The following ASH1L variants were observed in gnomAD, a reference collection of about 807,000 sequenced individuals.
The protein encoded by ASH1L is histone-lysine N-methyltransferase ASH1L.
ASH1L carries 23 observed loss-of-function variants against 269.0 expected under a neutral mutation model. The ratio of observed to expected loss-of-function variants is 0.09; its 90% confidence interval spans 0.06 to 0.12. ASH1L has a LOEUF of 0.12. Ranked by LOEUF, ASH1L falls within the 10% of genes least tolerant of loss-of-function variation. The probability of loss-of-function intolerance (pLI) is 1.00; values close to 1 mark genes in which losing one functional copy is unlikely to be tolerated. For missense variants in ASH1L, 2,912 were observed against 3,567.8 expected (o/e 0.82, Z 4.68); for synonymous variants, 1,187 against 1,253.5 (o/e 0.95, Z 1.12).
intron 13 of ASH1L, among the ~76,000 whole-genome samples, chr1:155,358,496 T>C (rs143341259): frequency 0.027 from 4,145 of 152,036 alleles, 61 homozygotes; most frequent in Non-Finnish European, 0.039. Context: ...CCATCCTGGC[T>C]AACATGGTAA....
chr1:155,451,641 C>A (rs570017194), intron 4 of ASH1L, among the ~76,000 whole-genome samples: 9 of 152,094 alleles, frequency 5.9e-5, no homozygotes, highest in African/African-American at 1.9e-4. Context: ...CACCTGTAAT[C>A]CCAGTTACTT....
chr1:155,382,172 C>T (rs1408364729), intron 7 of ASH1L, among the ~76,000 whole-genome samples: 1 of 150,808 alleles, frequency 6.6e-6, no homozygotes, highest in Non-Finnish European at 1.5e-5. Context: ...TGCCATTACA[C>T]TCCAGCAGGC....
At chr1:155,375,622 A>C (rs1656365649) in intron 10 of ASH1L, among the ~76,000 whole-genome samples, 1 of 152,098 alleles carries the variant, frequency 6.6e-6, no homozygotes, top group Non-Finnish European at 1.5e-5. Context: ...CCCTGTCTCT[A>C]CTAAAAATAC....
At chr1:155,540,519 C>G (rs1670358807) in intron 1 of ASH1L, among the ~76,000 whole-genome samples, 1 of 152,100 alleles carries the variant, frequency 6.6e-6, no homozygotes, top group Non-Finnish European at 1.5e-5. Context: ...CCTGTAATCC[C>G]AGCACTTTGG....
chr1:155,482,192 G>A lies in ASH1L; in HGVS notation c.678C>T (p.Thr226=). 1 of 1,614,192 alleles carries A rather than the reference G, an allele frequency of 6.2e-7. No individual in the cohort carries two copies. Among genetic ancestry groups the A allele is most frequent in the Non-Finnish European group, 8.5e-7 (1 of 1,180,014 alleles). ...VTEKLAQLIA[T]CPPSKSSKTK... is the part of the protein sequence containing the mutation. ...TCTTGGAAGACTTGGAAGGAGGACA[G>A]GTAGCAATCAGCTGTGCCAACTTTT... The change falls in exon 3 of 28, where the codon ACC becomes ACT. Residue 226 remains threonine, a synonymous_variant. Transcript: ENST00000392403.
At chr1:155,432,713 T>C (rs557481376) in intron 5 of ASH1L, among the ~76,000 whole-genome samples, 8 of 152,330 alleles carry the variant, frequency 5.3e-5, no homozygotes, top group African/African-American at 1.9e-4. Flanking sequence ...TTTGCTGGAA[T>C]AGAAAGGCTA....
At chr1:155,515,985 C>G (rs1410614478) in intron 2 of ASH1L, among the ~76,000 whole-genome samples, 1 of 152,018 alleles carries the variant, frequency 6.6e-6, no homozygotes, top group African/African-American at 2.4e-5. Flanking sequence ...TTTGAGGTAG[C>G]CTGATGGCAC....
chr1:155,522,656 T>C (rs114654211), intron 1 of ASH1L, among the ~76,000 whole-genome samples: 134 of 152,152 alleles, frequency 8.8e-4, no homozygotes, highest in African/African-American at 3.0e-3. Context: ...GGAAACCAGA[T>C]TACCATATAA....
At chr1:155,408,214 A>G (rs1659454870) in intron 6 of ASH1L, among the ~76,000 whole-genome samples, 1 of 152,224 alleles carries the variant, frequency 6.6e-6, no homozygotes, top group Non-Finnish European at 1.5e-5. Flanking sequence ...CTCAGAACAG[A>G]GGATCCAACT....
chr1:155,352,692 G>GT lies in ASH1L; in HGVS notation c.7366+13dup, dbSNP rs1279259837. On this transcript the variant is annotated intron_variant, in intron 17 of 27. Coordinates refer to ENST00000392403, the MANE Select transcript of ASH1L (RefSeq NM_018489.3). ...AAAGAAAAAAAGAACGAATTTGAAGGTGGTTATAGTCACCTTTATAAGAGA... is the reference window on the plus strand; with the variant it reads ...AAAGAAAAAAAGAACGAATTTGAAGGTTGGTTATAGTCACCTTTATAAGAGA... 6.4e-7 allele frequency: 1 copy of GT among 1,559,644 alleles called. No individual in the cohort carries two copies. Among genetic ancestry groups the GT allele is most frequent in the Admixed American group, 2.2e-5 (1 of 46,218 alleles).
intron 6 of ASH1L, among the ~76,000 whole-genome samples, chr1:155,408,332 T>C (rs1029018335): frequency 1.3e-5 from 2 of 152,216 alleles, no homozygotes; most frequent in African/African-American, 4.8e-5. Context: ...CACTTGTGTG[T>C]ACGCACATTT....
At chr1:155,362,129 G>A (rs933880488) in intron 12 of ASH1L, among the ~76,000 whole-genome samples, 1 of 151,822 alleles carries the variant, frequency 6.6e-6, no homozygotes, top group Admixed American at 6.6e-5. Flanking sequence ...TCCAACTCCC[G>A]GGTTCAAGAG....
At position 155,439,154 on chromosome 1, in the gene ASH1L, T is replaced by C. The variant is rs1045020950; in HGVS notation, c.5087-86A>G. ...TTTTTACACAGATAAAAGGGAGTACTACTCTATTTTCCATAGCAAGATTAC... is the reference window on the plus strand; with the variant it reads ...TTTTTACACAGATAAAAGGGAGTACCACTCTATTTTCCATAGCAAGATTAC... On this transcript the variant is annotated intron_variant, in intron 4 of 27. Transcript: ENST00000392403. The C allele has an allele frequency of 3.7e-6, 5 of 1,341,236 alleles. No individual in the cohort carries two copies. In the African/African-American group the frequency reaches 7.3e-5, roughly 20 times the overall value. 83.1% of individuals were successfully genotyped at this position (1,341,236 alleles called of 1,614,324 possible).
At chr1:155,460,320 G>A (rs1664194506) in intron 3 of ASH1L, among the ~76,000 whole-genome samples, 1 of 152,028 alleles carries the variant, frequency 6.6e-6, no homozygotes, top group African/African-American at 2.4e-5. Context: ...TTAAAAAGTT[G>A]ATGTGAGGGC....
chr1:155,342,169 C>G, intron 24 of ASH1L, 67 bp from the exon 25 acceptor site: 1 of 1,478,122 alleles, frequency 6.8e-7, no homozygotes, highest in Non-Finnish European at 9.4e-7. Flanking sequence ...CCCAAAGACC[C>G]CATACACACC....
intron 1 of ASH1L, among the ~76,000 whole-genome samples, chr1:155,556,488 A>G (rs1031762636): frequency 4.0e-5 from 6 of 151,836 alleles, no homozygotes; most frequent in Non-Finnish European, 8.8e-5. Flanking sequence ...TCTGTCACCC[A>G]GGCTGGAGTG....
At chr1:155,473,726 C>T (rs1325206476) in intron 3 of ASH1L, among the ~76,000 whole-genome samples, 1 of 152,092 alleles carries the variant, frequency 6.6e-6, no homozygotes, top group East Asian at 1.9e-4. Context: ...GTCTTCAACT[C>T]CTAGGCTCAA....
intron 4 of ASH1L, among the ~76,000 whole-genome samples, chr1:155,445,810 TA>T (rs1376169157): frequency 6.6e-6 from 1 of 152,172 alleles, no homozygotes; most frequent in Non-Finnish European, 1.5e-5. Context: ...AAAGACTTTG[TA>T]TTTTTTTAAT....
chr1:155,465,488 A>G lies in ASH1L; in HGVS notation c.4985-5590T>C, dbSNP rs1664620678. Among the ~76,000 whole-genome samples, 7 of 152,278 alleles carry G rather than the reference A, an allele frequency of 4.6e-5. 1 individual carries two copies. In the South Asian group the frequency reaches 1.5e-3, roughly 32 times the overall value. On this transcript the variant is annotated intron_variant, in intron 3 of 27. Transcript: ENST00000392403. Reference sequence around the variant, plus strand: ...ATGAGTGGAATGTTTGATGTTTGCAATGCTAGAAATATCTTTGGGTGAATT... The same window carrying G: ...ATGAGTGGAATGTTTGATGTTTGCAGTGCTAGAAATATCTTTGGGTGAATT...
Sources: allele counts gnomAD v4.1 joint callset (sites outside exome capture counted in the v4.1 genomes callset), GRCh38; gene constraint gnomAD v4.1.1; transcripts MANE v1.5; gene names NCBI Gene and HGNC (gene_info 2026-07-23, HGNC 2026-07-21).